KCNMA1: variants seen among roughly 807,000 people sequenced by gnomAD.
KCNMA1 encodes Calcium-activated potassium channel subunit alpha-1.
KCNMA1 carries 29 observed loss-of-function variants against 140.0 expected under a neutral mutation model. That is an observed-to-expected ratio of 0.21 (90% confidence interval 0.15 to 0.28). The LOEUF is 0.28. KCNMA1 is among the 10% of genes least tolerant of loss of function. The pLI, the probability that KCNMA1 is intolerant of heterozygous loss-of-function variation, is 1.00. For missense variants in KCNMA1, 880 were observed against 1,602.2 expected, an observed-to-expected ratio of 0.55 and a Z score of 7.70; for synonymous variants, 612 against 611.9, an observed-to-expected ratio of 1.00 and a Z score of 0.00.
chr10:77,166,929 A>C (rs2098649365), intron 5 of KCNMA1, among the ~76,000 whole-genome samples: 1 of 152,174 alleles, frequency 6.6e-6, no homozygotes, highest in Non-Finnish European at 1.5e-5. Context: ...CATCACCTTA[A>C]AATATTTATC....
chr10:77,406,947 G>A (rs1455021429), intron 1 of KCNMA1, among the ~76,000 whole-genome samples: 1 of 152,154 alleles, frequency 6.6e-6, no homozygotes, highest in African/African-American at 2.4e-5. Context: ...GAAAAAGGCT[G>A]GGAGGCAGGG....
At chr10:76,948,554 T>C (rs778116266) in intron 22 of KCNMA1, among the ~76,000 whole-genome samples, 2 of 152,168 alleles carry the variant, frequency 1.3e-5, no homozygotes, top group Non-Finnish European at 2.9e-5. Flanking sequence ...GAAGTCCTAA[T>C]GTTTTGCAGT....
chr10:77,141,662 G>A (rs758414943), intron 5 of KCNMA1, among the ~76,000 whole-genome samples: 1 of 152,204 alleles, frequency 6.6e-6, no homozygotes. Flanking sequence ...AGCCCAGAGT[G>A]ACTATGAAAG....
chr10:77,274,679 C>T (rs1182920661), intron 2 of KCNMA1, among the ~76,000 whole-genome samples: 2 of 152,170 alleles, frequency 1.3e-5, no homozygotes, highest in East Asian at 3.8e-4. Context: ...GCCACAAAGC[C>T]GGGCTGGCTA....
At chr10:77,392,722 C>A (rs10824537) in intron 2 of KCNMA1, among the ~76,000 whole-genome samples, 2 of 152,104 alleles carry the variant, frequency 1.3e-5, no homozygotes, top group Admixed American at 6.5e-5. Context: ...GGGTCTTTAT[C>A]TTCTGGTGAC....
chr10:76,884,943 A>G lies in KCNMA1; in HGVS notation c.*2323T>C. Reference sequence around the variant, plus strand: ...TCACAAGGACAACGTTATAGAAGAAAACCCCCAGCAGTGGCTAGGTCATGC... The same window carrying G: ...TCACAAGGACAACGTTATAGAAGAAGACCCCCAGCAGTGGCTAGGTCATGC... On this transcript the variant is annotated 3_prime_UTR_variant, in exon 28 of 28. Coordinates refer to ENST00000286628, the MANE Select transcript of KCNMA1 (RefSeq NM_001161352.2). The G allele has an allele frequency of 6.6e-7, 1 of 1,522,068 alleles. No individual in the cohort carries two copies. The highest frequency in any genetic ancestry group is 8.8e-7 in the Non-Finnish European group (1 of 1,136,082). The allele number at this position is 1,522,068 out of a possible 1,614,324, so 94.3% of individuals were successfully genotyped here. A position where few individuals can be genotyped will look rare whatever the true frequency, so the allele number is the denominator to read the frequency against.
chr10:76,989,310 G>A (rs982635157), intron 19 of KCNMA1, among the ~76,000 whole-genome samples: 10 of 152,170 alleles, frequency 6.6e-5, no homozygotes, highest in South Asian at 2.1e-4. Flanking sequence ...TAGAAGCTGC[G>A]AACTCACAGA....
At chr10:77,293,728 C>T (rs1322155911) in intron 2 of KCNMA1, among the ~76,000 whole-genome samples, 1 of 152,218 alleles carries the variant, frequency 6.6e-6, no homozygotes, top group East Asian at 1.9e-4. Flanking sequence ...TCAGAGAGCC[C>T]CTTTCTCATG....
chr10:77,596,526 T>C (rs2080984622), intron 1 of KCNMA1, among the ~76,000 whole-genome samples: 1 of 152,022 alleles, frequency 6.6e-6, no homozygotes, highest in African/African-American at 2.4e-5. Context: ...ATCCGGAGAT[T>C]GGGGGTTGGG....
intron 26 of KCNMA1, among the ~76,000 whole-genome samples, chr10:76,890,484 G>A (rs117489870): frequency 0.047 from 7,203 of 152,192 alleles, 231 homozygotes; most frequent in Middle Eastern, 0.14. Context: ...GTAAATGATA[G>A]GTATAAAGAG....
chr10:77,116,283 G>A (rs1298858282), intron 6 of KCNMA1, among the ~76,000 whole-genome samples: 1 of 152,138 alleles, frequency 6.6e-6, no homozygotes, highest in Non-Finnish European at 1.5e-5. Context: ...AATCATGATA[G>A]GTCAGGCACA....
chr10:77,587,797 G>A, intron 1 of KCNMA1: 1 of 985,306 alleles, frequency 1.0e-6, no homozygotes, highest in East Asian at 1.1e-4. Context: ...GCGCCTATCA[G>A]ATGCAGGGCC....
intron 2 of KCNMA1, among the ~76,000 whole-genome samples, chr10:77,306,215 G>T (rs1601917600): frequency 1.3e-5 from 2 of 152,194 alleles, no homozygotes; most frequent in Admixed American, 1.3e-4. Flanking sequence ...CTGCCCTCAG[G>T]GACCTTGCAA....
Position 76,885,581 on chromosome 10 carries a change from G to A in KCNMA1, c.*1685C>T. The A allele has an allele frequency of 4.1e-6, 4 of 985,334 alleles. No individual in the cohort carries two copies. The highest frequency in any genetic ancestry group is 4.8e-6 in the Non-Finnish European group (4 of 829,916). 61.0% of individuals were successfully genotyped at this position (985,334 alleles called of 1,614,324 possible). A position where few individuals can be genotyped will look rare whatever the true frequency, so the allele number is the denominator to read the frequency against. Reference sequence around the variant, plus strand: ...TTCACCATAAAAACACCTTTTTAGAGATGGTACAGCTGTGACATGTTTTCC... The same window carrying A: ...TTCACCATAAAAACACCTTTTTAGAAATGGTACAGCTGTGACATGTTTTCC... On this transcript the variant is annotated 3_prime_UTR_variant, in exon 28 of 28. Transcript: ENST00000286628.
At chr10:77,593,129 AG>A (rs1603637957) in intron 1 of KCNMA1, among the ~76,000 whole-genome samples, 2 of 152,180 alleles carry the variant, frequency 1.3e-5, no homozygotes, top group East Asian at 3.9e-4. Context: ...GGTTGACGTG[AG>A]TAAGCAGACA....
At chr10:77,432,158 T>C (rs1452548584) in intron 1 of KCNMA1, among the ~76,000 whole-genome samples, 4 of 152,176 alleles carry the variant, frequency 2.6e-5, no homozygotes, top group African/African-American at 4.8e-5. Context: ...CACCTTCGGG[T>C]TACTGGGATA....
At chr10:77,208,751 A>C (rs1393567823) in intron 3 of KCNMA1, among the ~76,000 whole-genome samples, 6 of 152,182 alleles carry the variant, frequency 3.9e-5, no homozygotes, top group Admixed American at 3.9e-4. Flanking sequence ...GCAGACTATT[A>C]GTTTTTCATG....
At chr10:77,478,816 A>C (rs1478501964) in intron 1 of KCNMA1, among the ~76,000 whole-genome samples, 1 of 152,246 alleles carries the variant, frequency 6.6e-6, no homozygotes, top group African/African-American at 2.4e-5. Flanking sequence ...ATAATAGCAA[A>C]AAAGAGGAAA....
intron 19 of KCNMA1, chr10:76,995,635 A>T (rs772563590): frequency 2.8e-5 from 13 of 471,038 alleles, no homozygotes; most frequent in South Asian, 2.0e-4. Context: ...TCTGCCCTCC[A>T]CCATGGAGGT....
Sources: gnomAD v4.1 joint callset for allele counts (sites outside exome capture counted in the v4.1 genomes callset) on GRCh38, gnomAD v4.1.1 for gene constraint, MANE v1.5 for transcripts, NCBI Gene and HGNC (gene_info 2026-07-23, HGNC 2026-07-21) for gene names.